UGT1A7: variants seen among roughly 807,000 people sequenced by gnomAD.
UGT1A7 encodes the protein UDP-glucuronosyltransferase 1A7.
Under a neutral mutation model 45.6 loss-of-function variants are expected in UGT1A7, and 33 were observed. That is an observed-to-expected ratio of 0.72 (90% CI 0.55 to 0.97). The LOEUF is 0.97. UGT1A7 is among the 50% of genes least tolerant of loss of function. The pLI, the probability that UGT1A7 is intolerant of heterozygous loss-of-function variation, is 0.00. For missense variants in UGT1A7, 684 were observed against 666.2 expected, an observed-to-expected ratio of 1.03 and a Z score of -0.29; for synonymous variants, 274 against 250.6, an observed-to-expected ratio of 1.09 and a Z score of -0.88.
chr2:233,682,417 T>G lies in UGT1A7; in HGVS notation c.480T>G (p.Tyr160Ter), dbSNP rs1442367024. Residue 160 changes from tyrosine to a stop codon, truncating the protein, a stop_gained, in exon 1 of 5, where the codon TAT becomes TAG. Coordinates refer to ENST00000373426, the MANE Select transcript of UGT1A7 (RefSeq NM_019077.3). LOFTEE classifies it high-confidence loss of function. The stretch of plus-strand genomic sequence containing the variant: ...CCTGTGGCTTAATTGTTGCCAAATA[T>G]TTCTCCCTCCCCTCTGTGGTCTTCG... Reference protein sequence around the residue: ...FDACGLIVAKYFSLPSVVFAR... With the variant: ...FDACGLIVAK 1.2e-6 allele frequency: 2 copies of G among 1,613,910 alleles called. No homozygotes were observed. Among genetic ancestry groups the G allele is most frequent in the African/African-American group, 2.7e-5 (2 of 74,998 alleles).
At chr2:233,731,500 G>A (rs2078170361) in intron 1 of UGT1A7, among the ~76,000 whole-genome samples, 1 of 152,036 alleles carries the variant, frequency 6.6e-6, no homozygotes. Context: ...TGTTCTTGCT[G>A]TTCAGTTCCC....
intron 1 of UGT1A7, among the ~76,000 whole-genome samples, chr2:233,726,525 T>C (rs979255090): frequency 7.9e-5 from 12 of 152,244 alleles, no homozygotes; most frequent in Non-Finnish European, 1.5e-4. Context: ...TTTCCACTTT[T>C]AGGGAGATGC....
chr2:233,742,496 A>G (rs376180640), intron 1 of UGT1A7, among the ~76,000 whole-genome samples: 4 of 151,946 alleles, frequency 2.6e-5, no homozygotes, highest in Admixed American at 1.3e-4. Context: ...CATAGGCATC[A>G]TGGCTATCAT....
chr2:233,693,667 A>G, intron 1 of UGT1A7: 1 of 1,614,180 alleles, frequency 6.2e-7, no homozygotes, highest in South Asian at 1.1e-5. Context: ...AGCCCTATCT[A>G]TTTTATTGTC....
intron 1 of UGT1A7, among the ~76,000 whole-genome samples, chr2:233,759,591 C>A (rs984696431): frequency 4.1e-5 from 6 of 147,100 alleles, no homozygotes; most frequent in East Asian, 4.1e-4. Context: ...GCACGCCCCC[C>A]ACCCCCGACC....
chr2:233,709,328 A>G (rs1356489247), intron 1 of UGT1A7, among the ~76,000 whole-genome samples: 1 of 152,084 alleles, frequency 6.6e-6, no homozygotes, highest in Non-Finnish European at 1.5e-5. Context: ...TTTTGTTACT[A>G]GTTTGTCATA....
chr2:233,772,307 C>G lies in UGT1A7; in HGVS notation c.1341C>G (p.Arg447=), dbSNP rs1321809873. The G allele has an allele frequency of 6.2e-7, 1 of 1,614,232 alleles. No homozygotes were observed. The highest frequency in any genetic ancestry group is 1.7e-5 in the Admixed American group (1 of 60,028). Residue 447 remains arginine (R), a synonymous_variant, in exon 5 of 5, where the codon CGC becomes CGG. Coordinates refer to ENST00000373426, the MANE Select transcript of UGT1A7 (RefSeq NM_019077.3). ...IMRLSSLHKD[R]PVEPLDLAVF... ...GCCTCTCCAGCCTTCACAAGGACCGCCCGGTGGAGCCGCTGGACCTGGCCG... is the reference window on the plus strand; with the variant it reads ...GCCTCTCCAGCCTTCACAAGGACCGGCCGGTGGAGCCGCTGGACCTGGCCG...
chr2:233,713,344 A>C (rs925382549), intron 1 of UGT1A7: 1 of 1,614,206 alleles, frequency 6.2e-7, no homozygotes, highest in African/African-American at 1.3e-5. Flanking sequence ...GCAATTATGA[A>C]CAATATGTCT....
chr2:233,693,127 T>G (rs779383196), intron 1 of UGT1A7: 1 of 1,614,216 alleles, frequency 6.2e-7, no homozygotes, highest in African/African-American at 1.3e-5. Flanking sequence ...ACTGGCTTAG[T>G]ATGAAGGATA....
intron 1 of UGT1A7, among the ~76,000 whole-genome samples, chr2:233,699,243 G>T (rs1160022756): frequency 1.3e-5 from 2 of 151,972 alleles, no homozygotes; most frequent in East Asian, 3.9e-4. Context: ...TTGTTTTTAG[G>T]CCCCTTTCCT....
rs61729911 is a variant in UGT1A7 at position 233,743,597 on chromosome 2, T to C, written c.856-23437T>C. 389 of 1,367,326 alleles carry C rather than the reference T, an allele frequency of 2.8e-4. 8 individuals carry two copies. The African/African-American group carries it at 4.3e-3, about 15-fold the overall frequency. 84.7% of individuals were successfully genotyped at this position (1,367,326 alleles called of 1,614,324 possible). A position where few individuals can be genotyped will look rare whatever the true frequency, so the allele number is the denominator to read the frequency against. On this transcript the variant is annotated intron_variant, in intron 1 of 4. Transcript: ENST00000373426. Reference sequence around the variant, plus strand: ...CAAGAGGTCAAAGGAGAATGGGTCCTGGCCGCCGAAGAACTCCCTGAAGAC... The same window carrying C: ...CAAGAGGTCAAAGGAGAATGGGTCCCGGCCGCCGAAGAACTCCCTGAAGAC...
At chr2:233,760,684 A>G in intron 1 of UGT1A7, 1 of 1,614,204 alleles carries the variant, frequency 6.2e-7, no homozygotes, top group Non-Finnish European at 8.5e-7. Context: ...CTTACTGCAC[A>G]ACAAGGAGCT....
intron 1 of UGT1A7, chr2:233,721,910 T>G: frequency 2.3e-6 from 1 of 439,350 alleles, no homozygotes; most frequent in Admixed American, 2.5e-5. Context: ...TGGTGCACAC[T>G]GCTTCCATAA....
chr2:233,707,730 G>A (rs910069096), intron 1 of UGT1A7, among the ~76,000 whole-genome samples: 2 of 152,114 alleles, frequency 1.3e-5, no homozygotes, highest in Admixed American at 6.6e-5. Flanking sequence ...ATGTTACAAC[G>A]AACATTCTTT....
intron 1 of UGT1A7, among the ~76,000 whole-genome samples, chr2:233,686,607 T>C (rs1453071423): frequency 6.6e-6 from 1 of 152,018 alleles, no homozygotes; most frequent in African/African-American, 2.4e-5. Flanking sequence ...TGACTGTCTC[T>C]CTCTCTCCTT....
At chr2:233,709,068 C>G (rs1483452630) in intron 1 of UGT1A7, among the ~76,000 whole-genome samples, 3 of 152,116 alleles carry the variant, frequency 2.0e-5, no homozygotes, top group Non-Finnish European at 4.4e-5. Flanking sequence ...AGTTAAAGTT[C>G]TTCTGCCTCA....
chr2:233,727,191 G>T (rs764445830), intron 1 of UGT1A7, among the ~76,000 whole-genome samples: 1 of 152,118 alleles, frequency 6.6e-6, no homozygotes, highest in African/African-American at 2.4e-5. Flanking sequence ...CTTTGCTGGG[G>T]TGACCTCACT....
chr2:233,760,197 G>A (rs2125980210), intron 1 of UGT1A7: 1 of 1,578,860 alleles, frequency 6.3e-7, no homozygotes, highest in Admixed American at 1.7e-5. Context: ...ACGTGACACA[G>A]TCAAACATTA....
intron 1 of UGT1A7, among the ~76,000 whole-genome samples, chr2:233,714,930 G>A (rs1185708526): frequency 6.6e-6 from 1 of 152,040 alleles, no homozygotes; most frequent in Non-Finnish European, 1.5e-5. Flanking sequence ...AGTCTGGAGT[G>A]CAGTGGTGGG....
Sources: gnomAD v4.1 joint callset for allele counts (sites outside exome capture counted in the v4.1 genomes callset) on GRCh38, gnomAD v4.1.1 for gene constraint, MANE v1.5 for transcripts, NCBI Gene and HGNC (gene_info 2026-07-23, HGNC 2026-07-21) for gene names.